The following DMD variants were observed in gnomAD, a reference collection of about 807,000 sequenced individuals.
DMD encodes the protein dystrophin, also known as mutant dystrophin.
A neutral mutation model predicts 330.1 loss-of-function variants in DMD; 63 were observed. The ratio of observed to expected loss-of-function variants is 0.19; its 90% confidence interval spans 0.16 to 0.24. The LOEUF (loss-of-function observed/expected upper bound fraction) is 0.24, where lower values mean the gene tolerates loss of function less well. Among genes scored for constraint, DMD ranks in the 10% least tolerant of loss-of-function variants. The pLI, the probability that DMD is intolerant of heterozygous loss-of-function variation, is 1.00. For synonymous variants in DMD, 1,223 were observed against 959.8 expected (o/e 1.27, Z -5.07); for missense variants, 3,344 against 2,684.1 (o/e 1.25, Z -5.43).
At chrX:31,826,133 A>C (rs1015077398) in intron 49 of DMD, among the ~76,000 whole-genome samples, 1 of 112,117 alleles carries the variant, frequency 8.9e-6, no homozygotes, top group African/African-American at 3.2e-5. Flanking sequence ...TTTCTCTTTT[A>C]TTAATACATA....
At chrX:32,569,832 C>T (rs1248686623) in intron 15 of DMD, among the ~76,000 whole-genome samples, 1 of 110,814 alleles carries the variant, frequency 9.0e-6, no homozygotes, top group East Asian at 2.9e-4. Flanking sequence ...CAGCAAACGC[C>T]AACAGTCCCC....
At chrX:31,553,628 T>A (rs989773163) in intron 55 of DMD, among the ~76,000 whole-genome samples, 6 of 112,391 alleles carry the variant, frequency 5.3e-5, no homozygotes, top group African/African-American at 1.9e-4. Context: ...TATAAGCACT[T>A]CAGTGTGTTA....
chrX:32,053,543 T>C (rs1205888816), intron 44 of DMD, among the ~76,000 whole-genome samples: 1 of 111,274 alleles, frequency 9.0e-6, no homozygotes, highest in Non-Finnish European at 1.9e-5. Context: ...CATGCCTCTG[T>C]CTACTTTCCT....
At chrX:32,850,024 T>G (rs918521679) in intron 2 of DMD, among the ~76,000 whole-genome samples, 3 of 111,974 alleles carry the variant, frequency 2.7e-5, no homozygotes, top group African/African-American at 9.7e-5. Context: ...TCTATTTGAA[T>G]TAGTTTGAAT....
chrX:33,133,958 A>G (rs2095512591), intron 1 of DMD, among the ~76,000 whole-genome samples: 1 of 112,291 alleles, frequency 8.9e-6, no homozygotes, highest in Non-Finnish European at 1.9e-5. Context: ...TTTGCTTTCA[A>G]AAGTCAAACA....
intron 15 of DMD, among the ~76,000 whole-genome samples, chrX:32,572,158 C>G (rs1293577838): frequency 1.8e-5 from 2 of 111,539 alleles, no homozygotes; most frequent in African/African-American, 3.3e-5. Context: ...CAATAATAAG[C>G]TAGCTTGTAA....
At chrX:32,199,830 T>TG (rs2097025736) in intron 44 of DMD, among the ~76,000 whole-genome samples, 1 of 66,217 alleles carries the variant, frequency 1.5e-5, no homozygotes, top group Non-Finnish European at 2.9e-5. Context: ...GTGTGTGTAT[T>TG]TTTAGTAGAG....
At chrX:31,635,673 C>T (rs939048274) in intron 54 of DMD, among the ~76,000 whole-genome samples, 3 of 111,657 alleles carry the variant, frequency 2.7e-5, no homozygotes, top group East Asian at 2.8e-4. Context: ...ATTTCATAAC[C>T]GCTGATCTAA....
Position 32,286,378 on chromosome X carries a change from G to GA in DMD, c.6290+1150dup, listed in dbSNP as rs370389976. Among the ~76,000 whole-genome samples, 369 of 112,009 alleles carry GA rather than the reference G, an allele frequency of 3.3e-3. 2 individuals carry two copies. Among genetic ancestry groups the GA allele is most frequent in the African/African-American group, 0.011 (344 of 30,865 alleles). On this transcript the variant is annotated intron_variant, in intron 43 of 78. Coordinates refer to ENST00000357033, the MANE Select transcript of DMD (RefSeq NM_004006.3). ...GCGACTAATAGTTTTAGGATTTCTA[G>GA]AAAAAGACAACATCTGAAGTGAGAC...
chrX:32,844,266 C>A (rs1392145371), intron 4 of DMD, among the ~76,000 whole-genome samples: 1 of 109,247 alleles, frequency 9.2e-6, no homozygotes, highest in African/African-American at 3.3e-5. Flanking sequence ...ATTAGCTGGC[C>A]ATAGTGGCAT....
chrX:32,448,598 T>C lies in DMD; in HGVS notation c.3644A>G (p.Lys1215Arg). 2 of 1,208,271 alleles carry C rather than the reference T, an allele frequency of 1.7e-6. No homozygotes were observed. The highest frequency in any genetic ancestry group is 1.1e-6 in the Non-Finnish European group (1 of 893,225). The change falls in exon 27 of 79, where the codon AAA (lysine) becomes AGA (arginine). Residue 1215 changes from lysine to arginine, a missense_variant. Lys to Arg is a conservative substitution (Grantham distance 26). Coordinates refer to ENST00000357033, the MANE Select transcript of DMD (RefSeq NM_004006.3). ...EEAQQKEAKV[K>R]LLTESVNSVI... ...ACTATTTACAGACTCAGTAAGGAGTTTCACTTTCGCTTCTTTTTGTTGGGC... is the reference window on the plus strand; with the variant it reads ...ACTATTTACAGACTCAGTAAGGAGTCTCACTTTCGCTTCTTTTTGTTGGGC...
chrX:31,940,934 A>T (rs954038744), intron 45 of DMD, among the ~76,000 whole-genome samples: 2 of 111,757 alleles, frequency 1.8e-5, no homozygotes, highest in African/African-American at 6.5e-5. Context: ...TCTATCTGGA[A>T]TCTGAAGGCT....
intron 50 of DMD, among the ~76,000 whole-genome samples, chrX:31,792,477 G>A (rs2091618323): frequency 8.9e-6 from 1 of 112,315 alleles, no homozygotes; most frequent in African/African-American, 3.2e-5. Flanking sequence ...GTTCATGAAT[G>A]AGAAAGCTGT....
chrX:32,122,431 C>G (rs921279994), intron 44 of DMD, among the ~76,000 whole-genome samples: 30 of 111,926 alleles, frequency 2.7e-4, no homozygotes, highest in African/African-American at 8.4e-4. Flanking sequence ...CAGTCACAAT[C>G]TAGGTCTTCA....
rs146625883 is a variant in DMD, at chrX:31,211,476, T to C, written c.9362-1777A>G. On this transcript the variant is annotated intron_variant, in intron 64 of 78. Coordinates refer to ENST00000357033, the MANE Select transcript of DMD (RefSeq NM_004006.3). ...TGAAGTTTTTCAATTATTTTCTTTT[T>C]TGTTACTCTGCTTTAGTCATCATAA... is the stretch of plus-strand genomic sequence containing the variant. 7.2e-3 allele frequency among the ~76,000 whole-genome samples: 817 copies of C among 112,777 alleles called. 12 individuals are homozygous for C. The highest frequency in any genetic ancestry group is 0.025 in the African/African-American group (763 of 31,055).
At chrX:31,355,344 T>A (rs1795777419) in intron 60 of DMD, among the ~76,000 whole-genome samples, 1 of 112,017 alleles carries the variant, frequency 8.9e-6, no homozygotes, top group Non-Finnish European at 1.9e-5. Flanking sequence ...GTGTCCAAGC[T>A]ACATCTTACT....
At chrX:31,739,219 T>C (rs1406103488) in intron 51 of DMD, among the ~76,000 whole-genome samples, 1 of 111,340 alleles carries the variant, frequency 9.0e-6, no homozygotes, top group Non-Finnish European at 1.9e-5. Flanking sequence ...ACCTGCTAGG[T>C]ACTCACAAAA....
At chrX:31,341,553 A>G (rs1383858488) in intron 61 of DMD, among the ~76,000 whole-genome samples, 2 of 111,551 alleles carry the variant, frequency 1.8e-5, no homozygotes, top group African/African-American at 6.5e-5. Context: ...TAGGTTATGT[A>G]AATCAACTTA....
At chrX:31,853,261 G>A (rs777253261) in intron 48 of DMD, among the ~76,000 whole-genome samples, 4 of 112,659 alleles carry the variant, frequency 3.6e-5, no homozygotes, top group African/African-American at 6.5e-5. Flanking sequence ...TTTAGACTTT[G>A]TGGGCCAAAC....
Sources: gnomAD v4.1 joint callset for allele counts (sites outside exome capture counted in the v4.1 genomes callset) on GRCh38, gnomAD v4.1.1 for gene constraint, MANE v1.5 for transcripts, NCBI Gene and HGNC (gene_info 2026-07-23, HGNC 2026-07-21) for gene names.